The following PTPRT variants were observed in gnomAD, a reference collection of about 807,000 sequenced individuals.
The protein encoded by PTPRT is receptor-type tyrosine-protein phosphatase T.
A neutral mutation model predicts 176.8 loss-of-function variants in PTPRT; 56 were observed. That is an observed-to-expected ratio of 0.32 (90% confidence interval 0.26 to 0.40). The LOEUF is 0.40. PTPRT is among the 10% of genes least tolerant of loss of function. The probability of loss-of-function intolerance (pLI) is 1.00; values close to 1 mark genes in which losing one functional copy is unlikely to be tolerated. For missense variants in PTPRT, 1,540 were observed against 1,908.2 expected, an observed-to-expected ratio of 0.81 and a Z score of 3.60; for synonymous variants, 783 against 739.0, an observed-to-expected ratio of 1.06 and a Z score of -0.96.
intron 2 of PTPRT, among the ~76,000 whole-genome samples, chr20:42,813,840 G>T (rs1238351410): frequency 6.6e-6 from 1 of 151,984 alleles, no homozygotes; most frequent in African/African-American, 2.4e-5. Context: ...CTACTTGCAG[G>T]TATTTACTTT....
At chr20:42,859,615 GCT>G (rs1196459838) in intron 2 of PTPRT, among the ~76,000 whole-genome samples, 1 of 127,208 alleles carries the variant, frequency 7.9e-6, no homozygotes, top group African/African-American at 3.2e-5. Flanking sequence ...ATGGAGTCTC[GCT>G]CTGTCACCCA....
At chr20:42,804,607 C>T (rs767086538) in intron 2 of PTPRT, among the ~76,000 whole-genome samples, 2 of 152,238 alleles carry the variant, frequency 1.3e-5, no homozygotes, top group Non-Finnish European at 2.9e-5. Flanking sequence ...AAGTGAGTGG[C>T]TGAAACAACA....
intron 7 of PTPRT, among the ~76,000 whole-genome samples, chr20:42,649,397 T>G (rs1238288581): frequency 6.6e-6 from 1 of 152,106 alleles, no homozygotes; most frequent in African/African-American, 2.4e-5. Flanking sequence ...CAATTCAAGA[T>G]GAGATTTGGG....
At chr20:42,219,170 C>T (rs1210717475) in intron 15 of PTPRT, among the ~76,000 whole-genome samples, 1 of 152,168 alleles carries the variant, frequency 6.6e-6, no homozygotes, top group Non-Finnish European at 1.5e-5. Flanking sequence ...TGACGGGTCC[C>T]TGCACCAGCC....
intron 1 of PTPRT, among the ~76,000 whole-genome samples, chr20:43,091,240 A>C (rs2011838794): frequency 6.6e-6 from 1 of 152,084 alleles, no homozygotes; most frequent in Admixed American, 6.5e-5. Context: ...AAAAAAAAAC[A>C]AACCCTGAAA....
At chr20:42,668,946 A>G (rs2075367531) in intron 7 of PTPRT, among the ~76,000 whole-genome samples, 1 of 138,750 alleles carries the variant, frequency 7.2e-6, no homozygotes, top group Admixed American at 8.3e-5. Flanking sequence ...TCCTGACCTC[A>G]TGATCCGCCC....
intron 6 of PTPRT, among the ~76,000 whole-genome samples, chr20:42,694,298 A>T (rs1045448269): frequency 6.6e-6 from 1 of 152,114 alleles, no homozygotes; most frequent in East Asian, 1.9e-4. Context: ...TTGGCCTCCT[A>T]AAGTGCTGGG....
the PTPRT span, among the ~76,000 whole-genome samples, chr20:42,053,006 A>G: frequency 2.0e-5 from 3 of 152,228 alleles, no homozygotes; most frequent in Admixed American, 2.0e-4. Context: ...CAACTCTGCC[A>G]TAGACAATTT....
intron 1 of PTPRT, among the ~76,000 whole-genome samples, chr20:42,946,265 A>G (rs1980878430): frequency 6.6e-6 from 1 of 152,138 alleles, no homozygotes; most frequent in African/African-American, 2.4e-5. Flanking sequence ...ACAATGAATC[A>G]CCCTGAGGAG....
intron 1 of PTPRT, among the ~76,000 whole-genome samples, chr20:42,984,407 T>C (rs1214840864): frequency 6.6e-6 from 1 of 152,238 alleles, no homozygotes; most frequent in Non-Finnish European, 1.5e-5. Flanking sequence ...GACCACATTA[T>C]TTCTGACACA....
chr20:43,009,429 A>G (rs566384429), intron 1 of PTPRT, among the ~76,000 whole-genome samples: 1 of 152,272 alleles, frequency 6.6e-6, no homozygotes, highest in East Asian at 1.9e-4. Context: ...ATGGGCCATG[A>G]AATGCTGAGC....
chr20:42,772,996 A>G (rs1244822400), intron 4 of PTPRT, among the ~76,000 whole-genome samples: 3 of 152,164 alleles, frequency 2.0e-5, no homozygotes, highest in Admixed American at 6.5e-5. Flanking sequence ...ACAAAATTCA[A>G]TCCAGGTCCA....
At chr20:42,190,767 T>A (rs1239886153) in intron 16 of PTPRT, among the ~76,000 whole-genome samples, 2 of 152,226 alleles carry the variant, frequency 1.3e-5, no homozygotes, top group African/African-American at 4.8e-5. Context: ...TGACTCAGTG[T>A]CTGTGGCCTT....
At chr20:42,749,162 T>G (rs2145372571) in intron 6 of PTPRT, among the ~76,000 whole-genome samples, 1 of 152,186 alleles carries the variant, frequency 6.6e-6, no homozygotes, top group African/African-American at 2.4e-5. Context: ...GTGTGCACAC[T>G]ACTATCCATG....
At chr20:42,544,776 G>C (rs1333198835) in intron 7 of PTPRT, among the ~76,000 whole-genome samples, 1 of 152,186 alleles carries the variant, frequency 6.6e-6, no homozygotes, top group Non-Finnish European at 1.5e-5. Context: ...ACATTCCTGA[G>C]CTTTTAAGAA....
At chr20:42,658,517 G>C (rs371435795) in intron 7 of PTPRT, among the ~76,000 whole-genome samples, 2 of 152,274 alleles carry the variant, frequency 1.3e-5, no homozygotes, top group East Asian at 3.9e-4. Flanking sequence ...TTACAGTAGG[G>C]GAGCTGAAAC....
intron 9 of PTPRT, among the ~76,000 whole-genome samples, chr20:42,421,282 GCA>G (rs147671583): frequency 1.1e-4 from 16 of 150,602 alleles, no homozygotes; most frequent in African/African-American, 2.4e-4. Context: ...ACACACGCAT[GCA>G]CACACACACA....
intron 9 of PTPRT, among the ~76,000 whole-genome samples, chr20:42,359,493 T>A (rs1331276719): frequency 6.6e-6 from 1 of 152,196 alleles, no homozygotes; most frequent in East Asian, 1.9e-4. Context: ...CTTACTGGCC[T>A]CGTGCTTCCA....
At chr20:42,174,320 T>C (rs940506681) in intron 16 of PTPRT, among the ~76,000 whole-genome samples, 3 of 152,064 alleles carry the variant, frequency 2.0e-5, no homozygotes, top group Non-Finnish European at 4.4e-5. Flanking sequence ...GGTGTGGCAT[T>C]TGAGAGGAGT....
Sources: gnomAD v4.1 joint callset for allele counts (sites outside exome capture counted in the v4.1 genomes callset) on GRCh38, gnomAD v4.1.1 for gene constraint, MANE v1.5 for transcripts, NCBI Gene and HGNC (gene_info 2026-07-23, HGNC 2026-07-21) for gene names.